Variants in WDPCP observed in about 807,000 individuals in gnomAD.
WDPCP encodes WD repeat-containing and planar cell polarity effector protein fritz homolog.
A neutral mutation model predicts 93.1 loss-of-function variants in WDPCP; 71 were observed. That is an observed-to-expected ratio of 0.76 (90% confidence interval 0.63 to 0.93). WDPCP has a LOEUF of 0.93. Ranked by LOEUF, WDPCP falls within the 40% of genes least tolerant of loss-of-function variation. The pLI is 0.00. For synonymous variants in WDPCP, 315 were observed against 315.0 expected (o/e 1.00, Z 0.00); for missense variants, 844 against 887.4 (o/e 0.95, Z 0.62).
intron 2 of WDPCP, among the ~76,000 whole-genome samples, chr2:63,723,516 T>C (rs1351114892): frequency 6.6e-6 from 1 of 152,198 alleles, no homozygotes; most frequent in African/African-American, 2.4e-5. Context: ...GAACAGAATC[T>C]CCATGTTGGA....
intron 14 of WDPCP, among the ~76,000 whole-genome samples, chr2:63,244,578 C>T (rs931580206): frequency 1.3e-5 from 2 of 152,098 alleles, no homozygotes; most frequent in African/African-American, 2.4e-5. Context: ...TTACAGATTA[C>T]GATGAACACC....
chr2:63,837,698 C>A, the WDPCP span, among the ~76,000 whole-genome samples: 6 of 152,200 alleles, frequency 3.9e-5, no homozygotes, highest in African/African-American at 1.4e-4. Context: ...AGGGCATTTG[C>A]TGCTATTATT....
At chr2:63,668,275 A>G (rs889330188) in intron 2 of WDPCP, among the ~76,000 whole-genome samples, 1 of 151,896 alleles carries the variant, frequency 6.6e-6, no homozygotes, top group Non-Finnish European at 1.5e-5. Flanking sequence ...CCCCTCTCCC[A>G]CCACTCCCCA....
chr2:63,263,965 G>T (rs1244095801), intron 13 of WDPCP, among the ~76,000 whole-genome samples: 6 of 152,046 alleles, frequency 3.9e-5, no homozygotes, highest in Non-Finnish European at 8.8e-5. Context: ...AATTTTCCAT[G>T]AAGCTAATGA....
chr2:63,351,026 G>A (rs935819908), intron 12 of WDPCP, among the ~76,000 whole-genome samples: 1 of 151,408 alleles, frequency 6.6e-6, no homozygotes, highest in Admixed American at 6.6e-5. Context: ...CTGTTGCCCA[G>A]GCTAGAGTGC....
intron 3 of WDPCP, 101 bp from the exon 4 acceptor site, chr2:63,486,687 T>A: frequency 1.0e-6 from 1 of 966,602 alleles, no homozygotes; most frequent in Non-Finnish European, 1.6e-6. Flanking sequence ...AAGGTATTAT[T>A]AACATTACAT....
chr2:63,412,095 G>A (rs1397276857), intron 9 of WDPCP, among the ~76,000 whole-genome samples: 4 of 151,992 alleles, frequency 2.6e-5, no homozygotes, highest in Non-Finnish European at 5.9e-5. Flanking sequence ...ACTACAGACC[G>A]ATATCCTTGA....
intron 1 of WDPCP, among the ~76,000 whole-genome samples, chr2:63,558,884 A>C (rs186907224): frequency 9.8e-5 from 15 of 152,322 alleles, no homozygotes; most frequent in East Asian, 9.7e-4. Flanking sequence ...TTCTTTTAAA[A>C]CTATTCCAAA....
intron 2 of WDPCP, among the ~76,000 whole-genome samples, chr2:63,729,595 G>A (rs1441671274): frequency 1.3e-5 from 2 of 152,094 alleles, no homozygotes; most frequent in Non-Finnish European, 2.9e-5. Flanking sequence ...AGCACATCAG[G>A]TGATTTCACC....
intron 2 of WDPCP, among the ~76,000 whole-genome samples, chr2:63,782,762 G>C (rs1453552879): frequency 6.6e-6 from 1 of 151,664 alleles, no homozygotes; most frequent in Admixed American, 6.6e-5. Context: ...GTGTGTGTGT[G>C]TGTGTGTGTG....
the WDPCP span, among the ~76,000 whole-genome samples, chr2:63,838,016 A>G: frequency 6.6e-6 from 1 of 152,086 alleles, no homozygotes; most frequent in South Asian, 2.1e-4. Flanking sequence ...GAATCCAGCT[A>G]CTCAGGAGGT....
At chr2:63,807,617 T>C (rs963362735) in intron 2 of WDPCP, among the ~76,000 whole-genome samples, 8 of 152,198 alleles carry the variant, frequency 5.3e-5, no homozygotes, top group Non-Finnish European at 8.8e-5. Context: ...AATAAATAAA[T>C]ATAAAACACT....
intron 2 of WDPCP, among the ~76,000 whole-genome samples, chr2:63,658,313 T>C (rs1710190368): frequency 6.6e-6 from 1 of 152,214 alleles, no homozygotes; most frequent in South Asian, 2.1e-4. Flanking sequence ...CTCTGTCTAA[T>C]GTCAAAATGC....
At chr2:63,576,673 A>C (rs1247442780) in intron 1 of WDPCP, among the ~76,000 whole-genome samples, 1 of 152,180 alleles carries the variant, frequency 6.6e-6, no homozygotes, top group African/African-American at 2.4e-5. Flanking sequence ...GTTCAGCTGA[A>C]AGAGCCAACC....
chr2:63,484,839 T>A, intron 5 of WDPCP, 78 bp downstream of exon 5: 1 of 1,542,364 alleles, frequency 6.5e-7, no homozygotes, highest in South Asian at 1.2e-5. Context: ...GTTGATCCTT[T>A]ATGAAAATTA....
At position 63,707,975 on chromosome 2, in the gene WDPCP, C is replaced by T. The variant is rs370523210; in HGVS notation, n.309-57137G>A. Among the ~76,000 whole-genome samples the T allele has an allele frequency of 4.2e-3, 640 of 152,248 alleles. 4 individuals carry two copies. The highest frequency in any genetic ancestry group is 0.014 in the African/African-American group (599 of 41,538). On this transcript the variant is annotated intron_variant and non_coding_transcript_variant, in intron 2 of 4. Transcript: ENST00000467687. ...TGAACTGCAGATGCTGCTGCTTGAT[C>T]GTTCCTCTGGAAGTTTTGTCTCAGA...
chr2:63,648,971 A>T (rs564302004), intron 3 of WDPCP, among the ~76,000 whole-genome samples: 4 of 152,170 alleles, frequency 2.6e-5, no homozygotes, highest in Non-Finnish European at 5.9e-5. Context: ...GACTCATATG[A>T]TGTTTTGGGC....
intron 3 of WDPCP, 152 bp from the exon 4 acceptor site, chr2:63,486,738 G>T: frequency 1.4e-6 from 1 of 704,244 alleles, no homozygotes; most frequent in Non-Finnish European, 2.2e-6. Context: ...GTTCTAAAAG[G>T]ACAGTTGAAA....
At chr2:63,299,902 C>T (rs1019382517) in intron 13 of WDPCP, among the ~76,000 whole-genome samples, 6 of 152,204 alleles carry the variant, frequency 3.9e-5, no homozygotes, top group East Asian at 1.9e-4. Context: ...GGATGAATGC[C>T]GGCAGGAACT....
Sources: gnomAD v4.1 joint callset for allele counts (sites outside exome capture counted in the v4.1 genomes callset) on GRCh38, gnomAD v4.1.1 for gene constraint, MANE v1.5 for transcripts, NCBI Gene and HGNC (gene_info 2026-07-23, HGNC 2026-07-21) for gene names.